Variants in NKAIN2 observed in about 807,000 individuals in gnomAD.
NKAIN2 encodes sodium/potassium transporting ATPase interacting 2.
A neutral mutation model predicts 32.6 loss-of-function variants in NKAIN2; 14 were observed. That is an observed-to-expected ratio of 0.43 (90% CI 0.28 to 0.67). NKAIN2 has a LOEUF of 0.67. Ranked by LOEUF, NKAIN2 falls within the 30% of genes least tolerant of loss-of-function variation. NKAIN2 has a pLI of 0.17. For synonymous variants in NKAIN2, 80 were observed against 87.2 expected (o/e 0.92, Z 0.46); for missense variants, 198 against 258.3 (o/e 0.77, Z 1.60).
intron 3 of NKAIN2, among the ~76,000 whole-genome samples, chr6:124,554,402 T>C (rs1037077724): frequency 2.0e-5 from 3 of 152,216 alleles, no homozygotes. Context: ...AGTAAAATGT[T>C]TATCAAAGAG....
At chr6:124,517,722 C>A (rs1778968036) in intron 3 of NKAIN2, among the ~76,000 whole-genome samples, 1 of 152,034 alleles carries the variant, frequency 6.6e-6, no homozygotes. Context: ...AATCATATTA[C>A]AATTGATTCT....
At chr6:123,926,817 G>A (rs1231383069) in intron 1 of NKAIN2, among the ~76,000 whole-genome samples, 1 of 152,096 alleles carries the variant, frequency 6.6e-6, no homozygotes, top group Non-Finnish European at 1.5e-5. Context: ...AGTTTGTATG[G>A]TCACTTAGTG....
chr6:124,759,629 ACACACACACACACACACACACACACACC>A (rs1453954182), intron 4 of NKAIN2, among the ~76,000 whole-genome samples: 37 of 134,194 alleles, frequency 2.8e-4, no homozygotes, highest in South Asian at 1.6e-3. Flanking sequence ...ACACACACAC[ACACACACACACACACACACACACACACC>A]CCCTATCTCC....
chr6:124,265,487 A>G (rs1373942627), intron 1 of NKAIN2, among the ~76,000 whole-genome samples: 2 of 152,316 alleles, frequency 1.3e-5, no homozygotes, highest in South Asian at 4.1e-4. Context: ...TAGAATTTTT[A>G]AAATGGATAC....
chr6:124,805,397 T>A (rs531613173), intron 5 of NKAIN2, among the ~76,000 whole-genome samples: 3 of 152,290 alleles, frequency 2.0e-5, no homozygotes, highest in Non-Finnish European at 4.4e-5. Context: ...GGAGTGGACC[T>A]CTAGCAAACT....
At chr6:124,390,985 T>C (rs560120140) in intron 3 of NKAIN2, 10 of 152,270 alleles carry the variant, frequency 6.6e-5, no homozygotes, top group African/African-American at 2.4e-4. Context: ...TTTCTGGTGC[T>C]GTTTTGGACA....
chr6:124,537,970 T>C (rs1255537071), intron 3 of NKAIN2, among the ~76,000 whole-genome samples: 1 of 152,150 alleles, frequency 6.6e-6, no homozygotes, highest in Non-Finnish European at 1.5e-5. Flanking sequence ...GATAAATATT[T>C]TCTAAGCAGT....
At chr6:124,427,133 C>T (rs1342176718) in intron 3 of NKAIN2, among the ~76,000 whole-genome samples, 1 of 152,150 alleles carries the variant, frequency 6.6e-6, no homozygotes, top group African/African-American at 2.4e-5. Flanking sequence ...TGTTATAACA[C>T]ATATCTTGGA....
intron 3 of NKAIN2, among the ~76,000 whole-genome samples, chr6:124,492,398 T>G (rs1440276323): frequency 6.6e-6 from 1 of 151,980 alleles, no homozygotes; most frequent in Non-Finnish European, 1.5e-5. Context: ...AGTTAAATGT[T>G]CCTACGGTTC....
At chr6:124,306,631 A>T (rs1019208673) in intron 2 of NKAIN2, among the ~76,000 whole-genome samples, 41 of 152,122 alleles carry the variant, frequency 2.7e-4, no homozygotes, top group African/African-American at 9.9e-4. Flanking sequence ...TAGGTACCAG[A>T]TCACTCTAAT....
intron 3 of NKAIN2, among the ~76,000 whole-genome samples, chr6:124,478,633 T>C (rs1484998402): frequency 2.0e-5 from 3 of 152,192 alleles, no homozygotes; most frequent in Non-Finnish European, 1.5e-5. Flanking sequence ...TAGTATTAGA[T>C]TATAATCTGA....
chr6:124,725,225 A>G (rs1468687816), intron 4 of NKAIN2, among the ~76,000 whole-genome samples: 2 of 152,174 alleles, frequency 1.3e-5, no homozygotes, highest in East Asian at 1.9e-4. Flanking sequence ...TTTACATACT[A>G]GAAAACTGGC....
chr6:124,680,934 T>TAATATATAAATA (rs1773592754), intron 4 of NKAIN2, among the ~76,000 whole-genome samples: 1 of 151,974 alleles, frequency 6.6e-6, no homozygotes, highest in South Asian at 2.1e-4. Flanking sequence ...GTACTTTTCT[T>TAATATATAAATA]AATATATAAA....
At chr6:123,837,263 G>T (rs977045982) in intron 1 of NKAIN2, among the ~76,000 whole-genome samples, 1 of 151,688 alleles carries the variant, frequency 6.6e-6, no homozygotes, top group Non-Finnish European at 1.5e-5. Flanking sequence ...CGGAGAAAGT[G>T]ACTTTTAAGA....
At chr6:124,786,311 G>GT (rs1202208430) in intron 4 of NKAIN2, among the ~76,000 whole-genome samples, 1 of 152,038 alleles carries the variant, frequency 6.6e-6, no homozygotes, top group Non-Finnish European at 1.5e-5. Context: ...AATGTTCAGA[G>GT]TTTTTAGTTA....
rs1781483905 is a variant in NKAIN2 at position 124,823,722 on chromosome 6, T to C, written c.*493T>C. On this transcript the variant is annotated 3_prime_UTR_variant, in exon 7 of 7. Coordinates refer to ENST00000368417, the MANE Select transcript of NKAIN2 (RefSeq NM_001040214.3). Reference sequence around the variant, plus strand: ...CAAAAACAAACGAAACATGCCATGATGACCTTGTACCCGAAGTCCGAAATG... The same window carrying C: ...CAAAAACAAACGAAACATGCCATGACGACCTTGTACCCGAAGTCCGAAATG... 1 of 159,064 alleles carries C rather than the reference T, an allele frequency of 6.3e-6. No homozygotes were observed. The highest frequency in any genetic ancestry group is 2.4e-5 in the African/African-American group (1 of 41,570). The allele number at this position is 159,064 out of a possible 1,614,324, so 9.9% of individuals were successfully genotyped here. A position where few individuals can be genotyped will look rare whatever the true frequency, so the allele number is the denominator to read the frequency against.
intron 3 of NKAIN2, among the ~76,000 whole-genome samples, chr6:124,480,724 A>T (rs676228): frequency 2.0e-5 from 3 of 151,678 alleles, no homozygotes; most frequent in African/African-American, 4.8e-5. Flanking sequence ...TTTTATTCTT[A>T]GGATTTCTTT....
At chr6:124,159,898 C>T (rs531173575) in intron 1 of NKAIN2, among the ~76,000 whole-genome samples, 60 of 152,282 alleles carry the variant, frequency 3.9e-4, no homozygotes, top group African/African-American at 1.4e-3. Context: ...TAAATGAAGG[C>T]CTTGGTGATG....
chr6:124,296,880 G>A (rs1562477625), intron 2 of NKAIN2, among the ~76,000 whole-genome samples: 1 of 152,036 alleles, frequency 6.6e-6, no homozygotes, highest in African/African-American at 2.4e-5. Context: ...CATCACACAC[G>A]GACACACATA....
Sources: allele counts gnomAD v4.1 joint callset (sites outside exome capture counted in the v4.1 genomes callset), GRCh38; gene constraint gnomAD v4.1.1; transcripts MANE v1.5; gene names NCBI Gene and HGNC (gene_info 2026-07-23, HGNC 2026-07-21).